The following DEAF1 variants were observed in gnomAD, a reference collection of about 807,000 sequenced individuals.
The protein encoded by DEAF1 is DEAF1 transcription factor, also known as deformed epidermal autoregulatory factor 1 homolog.
In DEAF1, 53 loss-of-function variants were observed where a neutral mutation model predicts 58.9. The observed-to-expected ratio is 0.90, with a 90% CI of 0.72 to 1.13. DEAF1 has a LOEUF of 1.13. Among genes scored for constraint, DEAF1 ranks in the 50% most tolerant of loss-of-function variants. The probability of loss-of-function intolerance (pLI) is 0.00; values close to 1 mark genes in which losing one functional copy is unlikely to be tolerated. For missense variants in DEAF1, 685 were observed against 791.4 expected, an observed-to-expected ratio of 0.87 and a Z score of 1.61; for synonymous variants, 385 against 340.4, an observed-to-expected ratio of 1.13 and a Z score of -1.44.
At chr11:649,411 G>C (rs570241928) in intron 11 of DEAF1, among the ~76,000 whole-genome samples, 2 of 139,748 alleles carry the variant, frequency 1.4e-5, no homozygotes, top group South Asian at 2.5e-4. Flanking sequence ...GACAGAGAGA[G>C]ACCCCACTTA....
intron 1 of DEAF1, chr11:700,685 A>G (rs1468738910): frequency 1.2e-6 from 2 of 1,614,138 alleles, no homozygotes; most frequent in Admixed American, 1.7e-5. Flanking sequence ...TGGGGATTCT[A>G]GAAGCAGTTC....
intron 10 of DEAF1, 113 bp from the exon 11 acceptor site, chr11:654,164 CCTTTTTTTTTT>C: frequency 1.9e-6 from 1 of 523,476 alleles, no homozygotes; most frequent in South Asian, 2.1e-5. Context: ...CATTGGACCC[CCTTTTTTTTTT>C]TTTTTTTTTT....
At chr11:670,870 T>C (rs1341149133) in intron 10 of DEAF1, among the ~76,000 whole-genome samples, 2 of 140,200 alleles carry the variant, frequency 1.4e-5, no homozygotes, top group Non-Finnish European at 3.1e-5. Context: ...ATCAACCTCC[T>C]AGGCTCAAGC....
intron 10 of DEAF1, among the ~76,000 whole-genome samples, chr11:671,810 G>A (rs1310911774): frequency 3.7e-4 from 46 of 122,930 alleles, no homozygotes; most frequent in African/African-American, 1.4e-3. Flanking sequence ...AGGCAACAGA[G>A]TGAGACCTTA....
chr11:687,334 C>A (rs1480972279), intron 4 of DEAF1, among the ~76,000 whole-genome samples: 1 of 152,262 alleles, frequency 6.6e-6, no homozygotes, highest in Non-Finnish European at 1.5e-5. Flanking sequence ...CCAGCCCTGC[C>A]TCCCTCCTGC....
At chr11:660,155 G>A (rs141781993) in intron 10 of DEAF1, among the ~76,000 whole-genome samples, 5 of 152,330 alleles carry the variant, frequency 3.3e-5, no homozygotes, top group Non-Finnish European at 7.3e-5. Context: ...ACTCTCCCTC[G>A]AGGAAGCAAC....
intron 9 of DEAF1, among the ~76,000 whole-genome samples, chr11:676,597 C>T (rs552363442): frequency 2.6e-5 from 4 of 151,942 alleles, no homozygotes; most frequent in Admixed American, 2.0e-4. Context: ...ACTGCCCTCC[C>T]GGGTTCAAGT....
chr11:673,074 AG>A (rs1363497367), intron 10 of DEAF1, among the ~76,000 whole-genome samples: 1 of 150,842 alleles, frequency 6.6e-6, no homozygotes, highest in African/African-American at 2.4e-5. Flanking sequence ...GCTTGATCCC[AG>A]GAAGTGGAGG....
At chr11:700,179 G>A, upstream of DEAF1, 1 of 1,614,148 alleles carries the variant, frequency 6.2e-7, no homozygotes, top group South Asian at 1.1e-5. Flanking sequence ...TTTTATCTCA[G>A]CGGAACGTAC....
chr11:693,666 G>A (rs1051269249), intron 1 of DEAF1: 1 of 152,344 alleles, frequency 6.6e-6, no homozygotes, highest in Non-Finnish European at 1.5e-5. Flanking sequence ...CCAGTGGGTG[G>A]GGAAGTCTAT....
upstream of DEAF1, chr11:695,830 G>A: frequency 8.1e-7 from 1 of 1,230,750 alleles, no homozygotes. Flanking sequence ...CGGGTAAGAT[G>A]GCGGCCCCGC....
At chr11:664,360 AGAG>A (rs1416980052) in intron 10 of DEAF1, among the ~76,000 whole-genome samples, 2 of 152,044 alleles carry the variant, frequency 1.3e-5, no homozygotes, top group African/African-American at 4.8e-5. Flanking sequence ...CATGGCACTG[AGAG>A]GAGGAAGACA....
At chr11:674,379 G>T in intron 10 of DEAF1, 157 bp downstream of exon 10, 1 of 1,048,898 alleles carries the variant, frequency 9.5e-7, no homozygotes. Flanking sequence ...TTTAGGAAAA[G>T]CTTCATTTGT....
chr11:703,276 G>C, intron 1 of DEAF1: 1 of 1,445,128 alleles, frequency 6.9e-7, no homozygotes, highest in Non-Finnish European at 9.1e-7. Flanking sequence ...AGATGGTTTT[G>C]GATGGTTCCA....
rs146784795 is a variant in DEAF1, at chr11:685,364, G to A, written c.805-401C>T. 1.2e-3 allele frequency among the ~76,000 whole-genome samples: 175 copies of A among 152,140 alleles called. 1 individual carries two copies. The highest frequency in any genetic ancestry group is 3.9e-3 in the African/African-American group (164 of 41,534). ...CTCCCGAAGTGCTGGGATTACAAGC[G>A]TAAGCCACCGTGCCCAACCTCATAA... On this transcript the variant is annotated intron_variant, in intron 5 of 11. Coordinates refer to ENST00000382409, the MANE Select transcript of DEAF1 (RefSeq NM_021008.4).
intron 1 of DEAF1, chr11:703,474 G>T (rs987276452): frequency 1.6e-6 from 2 of 1,257,524 alleles, no homozygotes; most frequent in Non-Finnish European, 2.0e-6. Context: ...ACCCCCATGG[G>T]CCCCCAGGGC....
At chr11:656,466 A>ATT (rs1173630458) in intron 10 of DEAF1, among the ~76,000 whole-genome samples, 1 of 152,178 alleles carries the variant, frequency 6.6e-6, no homozygotes, top group African/African-American at 2.4e-5. Flanking sequence ...CCGACAAAAT[A>ATT]TTTCTTAAAA....
chr11:660,127 T>G (rs1299395712), intron 10 of DEAF1, among the ~76,000 whole-genome samples: 1 of 152,100 alleles, frequency 6.6e-6, no homozygotes, highest in Admixed American at 6.5e-5. Context: ...GTAAGAGAAA[T>G]GCAAATTAGA....
chr11:666,582 G>GT (rs2133335719), intron 10 of DEAF1: 1 of 152,366 alleles, frequency 6.6e-6, no homozygotes, highest in South Asian at 2.1e-4. Context: ...GCATGCACCT[G>GT]TAGTCCCAGC....
Sources: allele counts gnomAD v4.1 joint callset (sites outside exome capture counted in the v4.1 genomes callset), GRCh38; gene constraint gnomAD v4.1.1; transcripts MANE v1.5; gene names NCBI Gene and HGNC (gene_info 2026-07-23, HGNC 2026-07-21).